Variants in TIAM2 observed in about 807,000 individuals in gnomAD.
TIAM2 encodes rho guanine nucleotide exchange factor TIAM2.
In TIAM2, 80 loss-of-function variants were observed where a neutral mutation model predicts 152.9. The ratio of observed to expected loss-of-function variants is 0.52; its 90% confidence interval spans 0.44 to 0.63. The LOEUF (loss-of-function observed/expected upper bound fraction) is 0.63, where lower values mean the gene tolerates loss of function less well. TIAM2 is among the 30% of genes least tolerant of loss of function. The pLI, the probability that TIAM2 is intolerant of heterozygous loss-of-function variation, is 0.00. For synonymous variants in TIAM2, 804 were observed against 838.0 expected (o/e 0.96, Z 0.70); for missense variants, 1,965 against 2,120.1 (o/e 0.93, Z 1.44).
At chr6:155,191,687 C>T (rs949509642) in intron 14 of TIAM2, among the ~76,000 whole-genome samples, 3 of 151,920 alleles carry the variant, frequency 2.0e-5, no homozygotes, top group South Asian at 2.1e-4. Context: ...AGCTATCACT[C>T]GGGAGGCTGA....
intron 1 of TIAM2, among the ~76,000 whole-genome samples, chr6:155,028,248 T>C (rs1371328509): frequency 7.6e-6 from 1 of 131,480 alleles, no homozygotes; most frequent in Non-Finnish European, 1.6e-5. Flanking sequence ...ATATATGTAC[T>C]GTGTTACATA....
intron 2 of TIAM2, among the ~76,000 whole-genome samples, chr6:155,117,698 C>T (rs1779047852): frequency 6.6e-6 from 1 of 152,208 alleles, no homozygotes; most frequent in Non-Finnish European, 1.5e-5. Flanking sequence ...CCACCTCGGC[C>T]TTCCAAAGTG....
At position 155,240,706 on chromosome 6, in the gene TIAM2, G is replaced by A. The variant is rs1194925556; in HGVS notation, c.3345G>A (p.Val1115=). 6.2e-7 allele frequency: 1 copy of A among 1,608,638 alleles called. No individual in the cohort carries two copies. Among genetic ancestry groups the A allele is most frequent in the Admixed American group, 1.7e-5 (1 of 59,868 alleles). The change falls in exon 16 of 27, where the codon GTG becomes GTA. Residue 1115 remains valine, a synonymous_variant. Coordinates refer to ENST00000682666, the MANE Select transcript of TIAM2 (RefSeq NM_012454.4). ...TTGTGGACACAGAGAAGTCCTACGTGAAGGTAAGGGAAGAGCTGGCATTTA... is the reference window on the plus strand; with the variant it reads ...TTGTGGACACAGAGAAGTCCTACGTAAAGGTAAGGGAAGAGCTGGCATTTA... ...QELVDTEKSY[V]KDLSCLFELY... is the part of the protein sequence containing the mutation.
At chr6:155,252,251 G>A (rs1352645427) in intron 23 of TIAM2, among the ~76,000 whole-genome samples, 1 of 152,142 alleles carries the variant, frequency 6.6e-6, no homozygotes, top group Non-Finnish European at 1.5e-5. Flanking sequence ...GGGAGGCTGA[G>A]GCTTGAGCCC....
In TIAM2 at chr6:155,248,181, TGAGGCGGCGGCGGCACCTCCGGGC is replaced by T. The variant is rs752981386; in HGVS notation, c.3832+7_3832+30del. 2.8e-5 allele frequency: 45 copies of T among 1,612,206 alleles called. No individual in the cohort carries two copies. The highest frequency in any genetic ancestry group is 3.7e-5 in the Non-Finnish European group (44 of 1,179,652). ...GCGAGGAGCACTACCACCTGACGGG[TGAGGCGGCGGCGGCACCTCCGGGC>T]GAGGGCCTGCACAGGGCGGCGAGGG... is the stretch of plus-strand genomic sequence containing the variant. On this transcript the variant is annotated splice_donor_5th_base_variant and intron_variant, in intron 20 of 26. Coordinates refer to ENST00000682666, the MANE Select transcript of TIAM2 (RefSeq NM_012454.4).
chr6:155,147,386 A>C (rs1213112369), intron 6 of TIAM2, among the ~76,000 whole-genome samples: 1 of 152,132 alleles, frequency 6.6e-6, no homozygotes, highest in Non-Finnish European at 1.5e-5. Context: ...AGCTCACTGC[A>C]ACCTCCGCCC....
In TIAM2 at chr6:155,032,333, G is replaced by A. The variant is rs558025386; in HGVS notation, c.-209+36841G>A. Among the ~76,000 whole-genome samples the A allele has an allele frequency of 5.9e-5, 9 of 152,254 alleles. No individual in the cohort carries two copies. The South Asian group carries it at 8.3e-4, about 14-fold the overall frequency. On this transcript the variant is annotated intron_variant, in intron 1 of 26. Transcript: ENST00000682666. The stretch of plus-strand genomic sequence containing the variant: ...GTGTGGTTCATGGAACGCAACGCTC[G>A]GTGGACCTACATTTGGAGCATGAAG...
chr6:155,179,494 G>A, intron 12 of TIAM2, 38 bp downstream of exon 12: 3 of 1,548,222 alleles, frequency 1.9e-6, no homozygotes, highest in Non-Finnish European at 2.6e-6. Context: ...GAATTGTGTT[G>A]TTCATCTTTG....
intron 1 of TIAM2, among the ~76,000 whole-genome samples, chr6:155,080,606 A>G (rs1319111635): frequency 6.6e-6 from 1 of 151,652 alleles, no homozygotes; most frequent in Non-Finnish European, 1.5e-5. Flanking sequence ...TGCCCAGCTA[A>G]TTTTTGTATT....
chr6:155,145,005 G>A (rs1779790374), intron 6 of TIAM2, among the ~76,000 whole-genome samples: 1 of 152,126 alleles, frequency 6.6e-6, no homozygotes, highest in African/African-American at 2.4e-5. Flanking sequence ...GAAGTCCCAG[G>A]CTGTGGCCCA....
At chr6:155,248,213 T>G in intron 20 of TIAM2, 34 bp downstream of exon 20, 4 of 1,598,672 alleles carry the variant, frequency 2.5e-6, no homozygotes, top group South Asian at 2.2e-5. Context: ...GGCGAGGGCC[T>G]GCACAGGGCG....
At position 155,248,097 on chromosome 6, in the gene TIAM2, G is replaced by A; in HGVS notation, c.3750G>A (p.Gln1250=). The A allele has an allele frequency of 6.2e-7, 1 of 1,614,178 alleles. No individual in the cohort carries two copies. ...AGTCCTACCTCATCAAGCCGGTTCA[G>A]AGAGTGCTCAAGTACCCGCTGCTGC... The part of the protein sequence containing the change: ...TLESYLIKPV[Q]RVLKYPLLLK... Residue 1250 remains glutamine, a synonymous_variant, in exon 20 of 27, where the codon CAG becomes CAA. Transcript: ENST00000682666.
chr6:155,063,270 A>C (rs1003339348), intron 1 of TIAM2, among the ~76,000 whole-genome samples: 15 of 152,146 alleles, frequency 9.9e-5, no homozygotes. Flanking sequence ...ATTTTTTTCC[A>C]CAATCAACTA....
At chr6:155,084,628 C>T (rs973071023) in intron 1 of TIAM2, among the ~76,000 whole-genome samples, 4 of 152,026 alleles carry the variant, frequency 2.6e-5, no homozygotes, top group African/African-American at 7.2e-5. Context: ...TAAATAACAA[C>T]GGTCTTTTTG....
At position 155,257,123 on chromosome 6, in the gene TIAM2, A is replaced by G. The variant is rs1784103997; in HGVS notation, c.*2A>G. On this transcript the variant is annotated 3_prime_UTR_variant, in exon 27 of 27. Coordinates refer to ENST00000682666, the MANE Select transcript of TIAM2 (RefSeq NM_012454.4). Reference sequence around the variant, plus strand: ...ACAGAGAGCCACGGAAAATCATAGTATGATTCAATCCAGATATGGGTTAAA... The same window carrying G: ...ACAGAGAGCCACGGAAAATCATAGTGTGATTCAATCCAGATATGGGTTAAA... The G allele has an allele frequency of 6.4e-7, 1 of 1,570,066 alleles. No homozygotes were observed. Among genetic ancestry groups the G allele is most frequent in the African/African-American group, 1.4e-5 (1 of 72,712 alleles).
rs182055144 is a variant in TIAM2, at chr6:155,129,625, C to G, written c.402C>G (p.Asn134Lys). Residue 134 changes from asparagine to lysine, a missense_variant, in exon 4 of 27, where the codon AAC (asparagine) becomes AAG (lysine). By Grantham distance (94) the Asn-to-Lys change is moderately conservative. Coordinates refer to ENST00000682666, the MANE Select transcript of TIAM2 (RefSeq NM_012454.4). This position sits in a 1 kb window ranked among gnomAD's most constrained non-coding sequence, Gnocchi z 4.8. ...ACCACATCACCTCCAGAGACTGCAA[C>G]GGACACCTTCTCAACTGCTACGGGA... is the stretch of plus-strand genomic sequence containing the variant. Reference protein sequence around the residue: ...ADNHITSRDCNGHLLNCYGRN... With the variant: ...ADNHITSRDCKGHLLNCYGRN... 6.2e-7 allele frequency: 1 copy of G among 1,614,112 alleles called. No individual in the cohort carries two copies. The highest frequency in any genetic ancestry group is 8.5e-7 in the Non-Finnish European group (1 of 1,180,036).
chr6:155,102,888 A>C (rs1562316517), intron 2 of TIAM2, among the ~76,000 whole-genome samples: 1 of 152,000 alleles, frequency 6.6e-6, no homozygotes, highest in Non-Finnish European at 1.5e-5. Flanking sequence ...TGTATAGTGA[A>C]CACCCATAAA....
At chr6:155,247,874 G>C (rs1018653963) in intron 19 of TIAM2, 126 bp from the exon 20 acceptor site, 40 of 1,248,226 alleles carry the variant, frequency 3.2e-5, no homozygotes, top group African/African-American at 4.5e-5. Flanking sequence ...ATGTGTTGGG[G>C]TTTTCATTAA....
intron 14 of TIAM2, among the ~76,000 whole-genome samples, chr6:155,203,244 G>C (rs540998076): frequency 1.9e-4 from 29 of 152,088 alleles, no homozygotes; most frequent in Non-Finnish European, 4.0e-4. Flanking sequence ...TGGCAGCTTT[G>C]ATTTACCCAA....
Sources: allele counts gnomAD v4.1 joint callset (sites outside exome capture counted in the v4.1 genomes callset), GRCh38; gene constraint gnomAD v4.1.1; non-coding constraint Gnocchi (gnomAD v3.1); transcripts MANE v1.5; gene names NCBI Gene and HGNC (gene_info 2026-07-23, HGNC 2026-07-21).